TBC1D9: variants seen among roughly 807,000 people sequenced by gnomAD.
TBC1D9 encodes TBC1 domain family member 9A.
Under a neutral mutation model 132.0 loss-of-function variants are expected in TBC1D9, and 63 were observed. The ratio of observed to expected loss-of-function variants is 0.48; its 90% CI spans 0.39 to 0.59. The LOEUF is 0.59. TBC1D9 is among the 20% of genes least tolerant of loss of function. The pLI is 0.00. For missense variants in TBC1D9, 1,261 were observed against 1,592.7 expected (o/e 0.79, Z 3.54); for synonymous variants, 610 against 609.9 (o/e 1.00, Z 0.00).
chr4:140,739,062 G>A (rs939683683), intron 1 of TBC1D9, among the ~76,000 whole-genome samples: 1 of 151,584 alleles, frequency 6.6e-6, no homozygotes, highest in Non-Finnish European at 1.5e-5. Flanking sequence ...GCCCAGGCTG[G>A]AGTGCAATGG....
rs957174400 is a variant in TBC1D9 at position 140,756,143 on chromosome 4, G to A, written c.-98C>T. On this transcript the variant is annotated 5_prime_UTR_variant, in exon 1 of 21. Coordinates refer to ENST00000442267, the MANE Select transcript of TBC1D9 (RefSeq NM_015130.3). This position sits in a 1 kb window ranked among gnomAD's most constrained non-coding sequence, Gnocchi z 5.6. ...CGCACTCCTGGGCACACGCGCGCCC[G>A]CCCGCCCGTCCGCTAGGTGCGGCGG... 76 of 1,003,112 alleles carry A rather than the reference G, an allele frequency of 7.6e-5. No individual in the cohort carries two copies. The highest frequency in any genetic ancestry group is 4.9e-4 in the Admixed American group (12 of 24,578). The allele number at this position is 1,003,112 out of a possible 1,614,324, so 62.1% of individuals were successfully genotyped here. A position where few individuals can be genotyped will look rare whatever the true frequency, so the allele number is the denominator to read the frequency against.
Position 140,644,997 on chromosome 4 carries a change from C to T in TBC1D9, c.2338-5569G>A, listed in dbSNP as rs1448320225. On this transcript the variant is annotated intron_variant, in intron 13 of 20. Coordinates refer to ENST00000442267, the MANE Select transcript of TBC1D9 (RefSeq NM_015130.3). ...TCCGGCAAGCCACATGGACATGCTGCCCGAGCGGGACAACCAGGGGTGCGT... is the reference window on the plus strand; with the variant it reads ...TCCGGCAAGCCACATGGACATGCTGTCCGAGCGGGACAACCAGGGGTGCGT... 5 of 465,164 alleles carry T rather than the reference C, an allele frequency of 1.1e-5. No homozygotes were observed. The East Asian group carries it at 3.0e-4, about 27-fold the overall frequency. 28.8% of individuals were successfully genotyped at this position (465,164 alleles called of 1,614,324 possible). A position where few individuals can be genotyped will look rare whatever the true frequency, so the allele number is the denominator to read the frequency against.
chr4:140,723,158 A>G (rs1423046102), intron 1 of TBC1D9, among the ~76,000 whole-genome samples: 1 of 152,148 alleles, frequency 6.6e-6, no homozygotes, highest in East Asian at 1.9e-4. Flanking sequence ...GTTACATGCT[A>G]TGTACTCTCA....
chr4:140,703,654 C>T (rs1738106623), intron 1 of TBC1D9, among the ~76,000 whole-genome samples: 1 of 152,022 alleles, frequency 6.6e-6, no homozygotes, highest in Non-Finnish European at 1.5e-5. Flanking sequence ...TGTCCAAGGG[C>T]AAAAAATCCA....
rs150827574 is a variant in TBC1D9, at chr4:140,756,171, G to A, written c.-126C>T. 0.053 allele frequency: 35,063 copies of A among 667,610 alleles called. 1,127 individuals carry two copies. The highest frequency in any genetic ancestry group is 0.1 in the South Asian group (2,152 of 20,668). 41.4% of individuals were successfully genotyped at this position (667,610 alleles called of 1,614,324 possible). On this transcript the variant is annotated 5_prime_UTR_variant, in exon 1 of 21. Coordinates refer to ENST00000442267, the MANE Select transcript of TBC1D9 (RefSeq NM_015130.3). This position sits in a 1 kb window ranked among gnomAD's most constrained non-coding sequence, Gnocchi z 5.6. ...CGCCCGTCCGCTAGGTGCGGCGGCGGCGGCGGCAGGCGACTTCAGGGGGTG... is the reference window on the plus strand; with the variant it reads ...CGCCCGTCCGCTAGGTGCGGCGGCGACGGCGGCAGGCGACTTCAGGGGGTG...
intron 1 of TBC1D9, among the ~76,000 whole-genome samples, chr4:140,723,890 G>A (rs1738460102): frequency 6.6e-6 from 1 of 152,104 alleles, no homozygotes; most frequent in South Asian, 2.1e-4. Context: ...CTACAGGCGT[G>A]AACCACCATG....
intron 13 of TBC1D9, among the ~76,000 whole-genome samples, chr4:140,641,105 C>CAAAAAAAAAAAAAAA (rs1038335139): frequency 5.0e-5 from 3 of 59,796 alleles, no homozygotes; most frequent in Admixed American, 2.7e-4. Context: ...AAAAAAAAAA[C>CAAAAAAAAAAAAAAA]AAAAAAAAAC....
intron 2 of TBC1D9, among the ~76,000 whole-genome samples, chr4:140,701,133 C>G (rs562244399): frequency 6.6e-6 from 1 of 152,206 alleles, no homozygotes; most frequent in African/African-American, 2.4e-5. Context: ...TGACTAGTCT[C>G]GGCCAACTAA....
At chr4:140,754,430 A>G (rs1203982235) in intron 1 of TBC1D9, among the ~76,000 whole-genome samples, 1 of 152,132 alleles carries the variant, frequency 6.6e-6, no homozygotes, top group South Asian at 2.1e-4. Context: ...CCTGGCCAAC[A>G]TGGTGAAACC....
rs35283552 is a variant in TBC1D9 at position 140,729,818 on chromosome 4, C to CAAAAAAA, written c.130+26091_130+26097dup. Among the ~76,000 whole-genome samples, 77 of 51,906 alleles carry CAAAAAAA rather than the reference C, an allele frequency of 1.5e-3. 7 individuals carry two copies. The highest frequency in any genetic ancestry group is 5.3e-3 in the African/African-American group (66 of 12,548). The allele number at this position is 51,906 out of a possible 152,430, so 34.1% of individuals were successfully genotyped here. On this transcript the variant is annotated intron_variant, in intron 1 of 20. Coordinates refer to ENST00000442267, the MANE Select transcript of TBC1D9 (RefSeq NM_015130.3). ...CTGGTGACAGAGCAAGATTCCATCT[C>CAAAAAAA]AAAAAAAAAAAAAAAAAAAAAAAAA...
intron 3 of TBC1D9, among the ~76,000 whole-genome samples, chr4:140,684,566 A>G (rs940668943): frequency 6.6e-6 from 1 of 152,056 alleles, no homozygotes; most frequent in Admixed American, 6.5e-5. Context: ...GCTGTTTGAC[A>G]TAATTGGTCT....
chr4:140,634,304 C>G, intron 15 of TBC1D9, 116 bp from the exon 16 acceptor site: 2 of 1,448,340 alleles, frequency 1.4e-6, no homozygotes, highest in South Asian at 2.7e-5. Context: ...TCCCCTGGGG[C>G]AGGGCTGTGG....
intron 1 of TBC1D9, among the ~76,000 whole-genome samples, chr4:140,715,016 G>T (rs1214911597): frequency 6.6e-6 from 1 of 152,130 alleles, no homozygotes; most frequent in Admixed American, 6.5e-5. Context: ...TAGCTACTCG[G>T]GAGGCTAAGG....
chr4:140,685,110 G>A (rs571670527), intron 3 of TBC1D9, among the ~76,000 whole-genome samples: 1 of 152,272 alleles, frequency 6.6e-6, no homozygotes, highest in South Asian at 2.1e-4. Flanking sequence ...TCACCATCTT[G>A]TAAACTGTCA....
intron 2 of TBC1D9, among the ~76,000 whole-genome samples, chr4:140,692,818 G>A (rs1560887540): frequency 6.6e-6 from 1 of 152,124 alleles, no homozygotes; most frequent in East Asian, 1.9e-4. Context: ...CTAGGAGTTC[G>A]AGACCAGCCT....
At chr4:140,634,242 AG>A (rs1736842846) in intron 15 of TBC1D9, 54 bp from the exon 16 acceptor site, 6 of 1,584,162 alleles carry the variant, frequency 3.8e-6, no homozygotes. Flanking sequence ...AATACCAGAA[AG>A]AAAACGCCCA....
At chr4:140,655,710 C>T (rs910841830) in intron 13 of TBC1D9, among the ~76,000 whole-genome samples, 12 of 152,072 alleles carry the variant, frequency 7.9e-5, no homozygotes, top group Admixed American at 2.6e-4. Flanking sequence ...TGAGATAGAG[C>T]GGCAGATCAG....
chr4:140,733,468 A>C (rs1738629012), intron 1 of TBC1D9, among the ~76,000 whole-genome samples: 1 of 152,134 alleles, frequency 6.6e-6, no homozygotes, highest in Admixed American at 6.5e-5. Context: ...GATTCTCTGT[A>C]ATGCCTAGAC....
intron 20 of TBC1D9, 83 bp downstream of exon 20, chr4:140,624,033 G>T: frequency 8.9e-7 from 1 of 1,119,590 alleles, no homozygotes; most frequent in Non-Finnish European, 1.3e-6. Flanking sequence ...TGGGTATTGA[G>T]TCTACATTTA....
Sources: gnomAD v4.1 joint callset for allele counts (sites outside exome capture counted in the v4.1 genomes callset) on GRCh38, gnomAD v4.1.1 for gene constraint, Gnocchi (gnomAD v3.1) non-coding constraint, MANE v1.5 for transcripts, NCBI Gene and HGNC (gene_info 2026-07-23, HGNC 2026-07-21) for gene names.